Variants in SLC12A5 observed in about 807,000 individuals in gnomAD.
SLC12A5 encodes solute carrier family 12 member 5.
A neutral mutation model predicts 124.0 loss-of-function variants in SLC12A5; 18 were observed. That is an observed-to-expected ratio of 0.15 (90% CI 0.10 to 0.22). The LOEUF is 0.22. Among genes scored for constraint, SLC12A5 ranks in the 10% least tolerant of loss-of-function variants. SLC12A5 has a pLI of 1.00. For synonymous variants in SLC12A5, 589 were observed against 568.0 expected (o/e 1.04, Z -0.53); for missense variants, 867 against 1,478.7 (o/e 0.59, Z 6.78).
intron 7 of SLC12A5, 32 bp downstream of exon 7, chr20:46,040,646 G>C: frequency 6.2e-7 from 1 of 1,608,320 alleles, no homozygotes; most frequent in Non-Finnish European, 8.5e-7. Flanking sequence ...CCAAGGAATC[G>C]TCCTCCTACC....
Position 46,049,714 on chromosome 20 carries a change from A to G in SLC12A5, c.2105A>G (p.Lys702Arg), listed in dbSNP as rs1555866427. 3 of 1,605,088 alleles carry G rather than the reference A, an allele frequency of 1.9e-6. No homozygotes were observed. Among genetic ancestry groups the G allele is most frequent in the Non-Finnish European group, 2.6e-6 (3 of 1,176,402 alleles). ...LSLTSQLKAGKGLTIVGSVLE... is the reference protein window; with the variant it reads ...LSLTSQLKAGRGLTIVGSVLE... The stretch of plus-strand genomic sequence containing the variant: ...CTGACCTCCCAGCTGAAGGCGGGGA[A>G]GGGCCTGACCATCGTGGGCTCTGTC... The change falls in exon 17 of 26, where the codon AAG becomes AGG. Residue 702 changes from lysine (K) to arginine (R), a missense_variant. Transcript: ENST00000243964.
chr20:46,022,706 C>T (rs1286601702), intron 1 of SLC12A5: 3 of 397,532 alleles, frequency 7.5e-6, no homozygotes, highest in Non-Finnish European at 1.3e-5. Flanking sequence ...CCAGCTCAGG[C>T]GGGGTTGGGG....
intron 15 of SLC12A5, 114 bp from the exon 16 acceptor site, chr20:46,047,867 T>C: frequency 9.6e-7 from 1 of 1,036,744 alleles, no homozygotes; most frequent in Non-Finnish European, 1.4e-6. Flanking sequence ...GATACACATG[T>C]CCTTTCTGAG....
At chr20:46,028,643 T>C (rs1231701788), upstream of SLC12A5, among the ~76,000 whole-genome samples, 1 of 151,996 alleles carries the variant, frequency 6.6e-6, no homozygotes, top group African/African-American at 2.4e-5. Flanking sequence ...TGCCTCCAGC[T>C]CCAATCTCTT....
intron 21 of SLC12A5, 184 bp from the exon 22 acceptor site, chr20:46,055,966 A>G (rs2084686948): frequency 4.0e-6 from 3 of 757,058 alleles, no homozygotes; most frequent in Non-Finnish European, 6.2e-6. Context: ...GGTTCTGGAG[A>G]GGAGGTGGGG....
rs771729449 is a variant in SLC12A5, at chr20:46,056,323, C to T, written c.2911-42C>T. 6 of 1,610,980 alleles carry T rather than the reference C, an allele frequency of 3.7e-6. No individual in the cohort carries two copies. In the East Asian group the frequency reaches 1.3e-4, roughly 36 times the overall value. On this transcript the variant is annotated intron_variant, in intron 22 of 25. Coordinates refer to ENST00000243964, the MANE Select transcript of SLC12A5 (RefSeq NM_020708.5). The surrounding 1 kb of genome is among the most constrained non-coding windows in gnomAD (Gnocchi z 4.3). The stretch of plus-strand genomic sequence containing the variant: ...CAACCAGTGGGAGCAGAGCCCTTGG[C>T]CTCCAAAGGACTCAACTGCCATCGC...
chr20:46,023,055 T>G (rs1014779810), exon 2 of SLC12A5: 14 of 398,926 alleles, frequency 3.5e-5, no homozygotes, highest in African/African-American at 1.3e-4. Context: ...CCGCCAGGGG[T>G]CGCTGCCGAG....
chr20:46,058,293 T>A lies in SLC12A5; in HGVS notation c.*688T>A. ...CAAGAGTTTGAGAGCGAAAGTGCTT[T>A]AGGCCCAGGCGGGGGTCGTGGCCTC... On this transcript the variant is annotated 3_prime_UTR_variant, in exon 26 of 26. Transcript: ENST00000243964. This position sits in a 1 kb window ranked among gnomAD's most constrained non-coding sequence, Gnocchi z 5.8. The A allele has an allele frequency of 2.5e-6, 1 of 396,978 alleles. No homozygotes were observed. Among genetic ancestry groups the A allele is most frequent in the Non-Finnish European group, 4.4e-6 (1 of 225,318 alleles). The allele number at this position is 396,978 out of a possible 1,614,324, so 24.6% of individuals were successfully genotyped here.
Position 46,054,629 on chromosome 20 carries a change from G to C in SLC12A5, c.2680-287G>C, listed in dbSNP as rs553269705. Among the ~76,000 whole-genome samples the C allele has an allele frequency of 2.0e-5, 3 of 152,216 alleles. No individual in the cohort carries two copies. In the South Asian group the frequency reaches 6.2e-4, roughly 32 times the overall value. ...TTCTTTCCCTTCTCCATTCACCCAG[G>C]TGATTAATTAATCCACTCATTCATT... is the stretch of plus-strand genomic sequence containing the variant. On this transcript the variant is annotated intron_variant, in intron 20 of 25. Coordinates refer to ENST00000243964, the MANE Select transcript of SLC12A5 (RefSeq NM_020708.5).
rs2084662772 is a variant in SLC12A5 at position 46,053,343 on chromosome 20, C to A, written c.2547+217C>A. Reference sequence around the variant, plus strand: ...GGTTTCTCCTCTTGCAGGTGCACTGCTGTAAGGAGAGCAATGCTTAGCCCA... The same window carrying A: ...GGTTTCTCCTCTTGCAGGTGCACTGATGTAAGGAGAGCAATGCTTAGCCCA... On this transcript the variant is annotated intron_variant, in intron 19 of 25. Coordinates refer to ENST00000243964, the MANE Select transcript of SLC12A5 (RefSeq NM_020708.5). This position sits in a 1 kb window ranked among gnomAD's most constrained non-coding sequence, Gnocchi z 4.7. Among the ~76,000 whole-genome samples the A allele has an allele frequency of 6.6e-6, 1 of 152,202 alleles. No homozygotes were observed. Among genetic ancestry groups the A allele is most frequent in the Non-Finnish European group, 1.5e-5 (1 of 68,046 alleles).
At chr20:46,042,880 A>T (rs942452211) in intron 8 of SLC12A5, among the ~76,000 whole-genome samples, 1 of 152,062 alleles carries the variant, frequency 6.6e-6, no homozygotes, top group Non-Finnish European at 1.5e-5. Flanking sequence ...CATCGACTCA[A>T]TCTGAGATGG....
At chr20:46,026,306 G>A (rs964717828), upstream of SLC12A5, among the ~76,000 whole-genome samples, 1 of 152,144 alleles carries the variant, frequency 6.6e-6, no homozygotes, top group Non-Finnish European at 1.5e-5. Context: ...TGCATCTTGT[G>A]CTGCTTTAGT....
chr20:46,052,731 T>C (rs1249234243), intron 18 of SLC12A5, among the ~76,000 whole-genome samples: 1 of 152,018 alleles, frequency 6.6e-6, no homozygotes, highest in East Asian at 1.9e-4. Context: ...ATTTGACAGG[T>C]GGGGAAACTG....
exon 2 of SLC12A5, chr20:46,022,956 G>A (rs1600581807): frequency 2.5e-6 from 1 of 402,590 alleles, no homozygotes; most frequent in Non-Finnish European, 4.3e-6. Flanking sequence ...AGGAGGAGGA[G>A]GAGGAGGAGG....
At chr20:46,039,475 T>G (rs780796622) in intron 6 of SLC12A5, among the ~76,000 whole-genome samples, 1 of 152,216 alleles carries the variant, frequency 6.6e-6, no homozygotes, top group Non-Finnish European at 1.5e-5. Context: ...AGTCAGTCCA[T>G]ATAAATCTAT....
upstream of SLC12A5, among the ~76,000 whole-genome samples, chr20:46,026,288 C>G (rs1365018028): frequency 1.3e-5 from 2 of 152,076 alleles, no homozygotes; most frequent in Non-Finnish European, 1.5e-5. Flanking sequence ...TAGGACCCTC[C>G]CTAGCCCTGC....
At chr20:46,028,134 G>A (rs565599252), upstream of SLC12A5, among the ~76,000 whole-genome samples, 5 of 152,300 alleles carry the variant, frequency 3.3e-5, no homozygotes, top group South Asian at 8.3e-4. Context: ...AGCTTCTGGG[G>A]GATTGGCCTA....
At chr20:46,044,891 T>G in intron 11 of SLC12A5, 75 bp from the exon 12 acceptor site, 1 of 1,555,580 alleles carries the variant, frequency 6.4e-7, no homozygotes, top group Non-Finnish European at 8.8e-7. Context: ...GTTGGTTCTG[T>G]AGTTGGTATG....
Position 46,051,724 on chromosome 20 carries a change from T to C in SLC12A5, c.2231T>C (p.Val744Ala). 6.2e-7 allele frequency: 1 copy of C among 1,609,892 alleles called. No individual in the cohort carries two copies. Among genetic ancestry groups the C allele is most frequent in the Non-Finnish European group, 8.5e-7 (1 of 1,178,068 alleles). ...EAEKVKGFCQ[V>A]VISSNLRDGV... ...GAGAAGGTGAAGGGCTTCTGCCAGG[T>C]GGTGATCTCCTCCAACTTGCGTGAT... The change falls in exon 18 of 26, where the codon GTG becomes GCG. Residue 744 changes from valine (V) to alanine (A), a missense_variant. Physicochemically the swap from Val to Ala is moderately conservative, Grantham distance 64. Coordinates refer to ENST00000243964, the MANE Select transcript of SLC12A5 (RefSeq NM_020708.5).
Sources: gnomAD v4.1 joint callset for allele counts (sites outside exome capture counted in the v4.1 genomes callset) on GRCh38, gnomAD v4.1.1 for gene constraint, Gnocchi (gnomAD v3.1) non-coding constraint, MANE v1.5 for transcripts, NCBI Gene and HGNC (gene_info 2026-07-23, HGNC 2026-07-21) for gene names.